CATSPERE: variants seen among roughly 807,000 people sequenced by gnomAD.
CATSPERE encodes cation channel sperm-associated auxiliary subunit epsilon.
CATSPERE carries 93 observed loss-of-function variants against 114.1 expected under a neutral mutation model. The observed-to-expected ratio is 0.81, with a 90% confidence interval of 0.69 to 0.97. The LOEUF (loss-of-function observed/expected upper bound fraction) is 0.97. Ranked by LOEUF, CATSPERE falls within the 50% of genes least tolerant of loss-of-function variation. The probability of loss-of-function intolerance (pLI) is 0.00; values close to 1 mark genes in which losing one functional copy is unlikely to be tolerated. For missense variants in CATSPERE, 1,058 were observed against 1,131.6 expected (o/e 0.93, Z 0.93); for synonymous variants, 341 against 384.1 (o/e 0.89, Z 1.31).
At chr1:244,631,939 G>A (rs58857535) in intron 20 of CATSPERE, among the ~76,000 whole-genome samples, 8,877 of 152,166 alleles carry the variant, frequency 0.058, 879 homozygotes, top group African/African-American at 0.2. Context: ...CCCAGCAGTC[G>A]TACTCATTGG....
intron 14 of CATSPERE, among the ~76,000 whole-genome samples, chr1:244,589,058 A>G (rs1289045404): frequency 6.6e-6 from 1 of 152,238 alleles, no homozygotes; most frequent in Non-Finnish European, 1.5e-5. Flanking sequence ...TGTCGGTTCT[A>G]CTATGGTTCA....
intron 8 of CATSPERE, among the ~76,000 whole-genome samples, chr1:244,527,077 T>G (rs1678752648): frequency 6.6e-6 from 1 of 152,192 alleles, no homozygotes; most frequent in Non-Finnish European, 1.5e-5. Flanking sequence ...TTAAAAATAC[T>G]AATGAAGTTT....
At chr1:244,625,429 TATA>T (rs1226739559) in intron 20 of CATSPERE, among the ~76,000 whole-genome samples, 2 of 30,172 alleles carry the variant, frequency 6.6e-5, no homozygotes, top group African/African-American at 1.4e-4. Flanking sequence ...TATATATATA[TATA>T]TTTTTTTTTT....
At chr1:244,623,058 T>TTTTTTTTATTTATTTA (rs140542129) in intron 20 of CATSPERE, among the ~76,000 whole-genome samples, 4 of 145,508 alleles carry the variant, frequency 2.7e-5, no homozygotes, top group South Asian at 2.2e-4. Flanking sequence ...TTTGTCTTAT[T>TTTTTTTTATTTATTTA]TTTATTTATT....
chr1:244,472,110 C>G (rs1373155195), intron 2 of CATSPERE, among the ~76,000 whole-genome samples: 1 of 152,104 alleles, frequency 6.6e-6, no homozygotes. Flanking sequence ...AGGCATGCAC[C>G]ACCACACCCA....
Position 244,479,800 on chromosome 1 carries a change from C to G in CATSPERE, c.326+16C>G. On this transcript the variant is annotated intron_variant, in intron 5 of 21. Coordinates refer to ENST00000366534, the MANE Select transcript of CATSPERE (RefSeq NM_001130957.2). ...ATAGAGTTAGGTAAGTAATGCAGTA[C>G]TGAATAGGTAATTATGCTTTTAAAG... 1 of 1,398,006 alleles carries G rather than the reference C, an allele frequency of 7.2e-7. No individual in the cohort carries two copies. Among genetic ancestry groups the G allele is most frequent in the Non-Finnish European group, 9.9e-7 (1 of 1,011,538 alleles). 86.6% of individuals were successfully genotyped at this position (1,398,006 alleles called of 1,614,324 possible).
At chr1:244,578,181 T>G (rs1665579326) in intron 11 of CATSPERE, among the ~76,000 whole-genome samples, 1 of 152,138 alleles carries the variant, frequency 6.6e-6, no homozygotes, top group South Asian at 2.1e-4. Flanking sequence ...GAGATGGAGT[T>G]TCACTCTTGT....
At chr1:244,470,094 A>G (rs767474999) in intron 2 of CATSPERE, among the ~76,000 whole-genome samples, 1 of 152,188 alleles carries the variant, frequency 6.6e-6, no homozygotes, top group Non-Finnish European at 1.5e-5. Context: ...TGTAAAACAT[A>G]TAGAAGAAAA....
At chr1:244,572,964 C>G (rs1330698614) in intron 11 of CATSPERE, among the ~76,000 whole-genome samples, 192 bp downstream of exon 11, 1 of 151,988 alleles carries the variant, frequency 6.6e-6, no homozygotes, top group Non-Finnish European at 1.5e-5. Flanking sequence ...TATCCAAGCC[C>G]TCTTTGCCAC....
In CATSPERE at chr1:244,574,486, A is replaced by G. The variant is rs934492624; in HGVS notation, c.1950+1714A>G. On this transcript the variant is annotated intron_variant, in intron 11 of 21. Transcript: ENST00000366534. The stretch of plus-strand genomic sequence containing the variant: ...CAAGAAGGGAAACTTTGAAGAGGAA[A>G]CTTTTTATTTTTACAATTCCTTCCT... Among the ~76,000 whole-genome samples the G allele has an allele frequency of 3.9e-5, 6 of 152,244 alleles. No individual in the cohort carries two copies. In the South Asian group the frequency reaches 6.2e-4, roughly 16 times the overall value.
chr1:244,625,346 GT>G (rs1291737712), intron 20 of CATSPERE, among the ~76,000 whole-genome samples: 2 of 81,008 alleles, frequency 2.5e-5, no homozygotes, highest in African/African-American at 8.4e-5. Flanking sequence ...GTAATATTTT[GT>G]TTTTTGGGGG....
At chr1:244,613,149 A>G (rs185499348) in intron 19 of CATSPERE, among the ~76,000 whole-genome samples, 83 of 152,342 alleles carry the variant, frequency 5.4e-4, no homozygotes, top group African/African-American at 1.9e-3. Context: ...TTCCAAACAT[A>G]CTTAGAATAT....
intron 11 of CATSPERE, among the ~76,000 whole-genome samples, chr1:244,577,832 TAACA>T (rs1485056752): frequency 1.3e-5 from 2 of 151,990 alleles, no homozygotes; most frequent in African/African-American, 4.8e-5. Flanking sequence ...TACACATAAA[TAACA>T]AACAAAAAGG....
chr1:244,508,831 T>TAAAA (rs960028586), intron 7 of CATSPERE, among the ~76,000 whole-genome samples: 1 of 114,252 alleles, frequency 8.8e-6, no homozygotes. Context: ...ACCCTATCTC[T>TAAAA]AAAAAAAAAA....
chr1:244,461,508 A>G lies in CATSPERE; in HGVS notation c.65+14A>G. 1 of 1,302,766 alleles carries G rather than the reference A, an allele frequency of 7.7e-7. No individual in the cohort carries two copies. Among genetic ancestry groups the G allele is most frequent in the Non-Finnish European group, 9.8e-7 (1 of 1,016,410 alleles). The allele number at this position is 1,302,766 out of a possible 1,614,324, so 80.7% of individuals were successfully genotyped here. A position where few individuals can be genotyped will look rare whatever the true frequency, so the allele number is the denominator to read the frequency against. ...CGCCCTTTGGAGGTAGAGAGACGCC[A>G]GTCGCAGGCGAGCGACTAGGCGGGG... On this transcript the variant is annotated intron_variant, in intron 1 of 21. Coordinates refer to ENST00000366534, the MANE Select transcript of CATSPERE (RefSeq NM_001130957.2).
chr1:244,492,798 A>G (rs539788885), intron 6 of CATSPERE, among the ~76,000 whole-genome samples: 233 of 148,110 alleles, frequency 1.6e-3, no homozygotes, highest in African/African-American at 5.5e-3. Context: ...TTATACACCA[A>G]TAACAGACAA....
At chr1:244,490,749 G>C (rs1171456941) in intron 6 of CATSPERE, among the ~76,000 whole-genome samples, 1 of 151,870 alleles carries the variant, frequency 6.6e-6, no homozygotes, top group African/African-American at 2.4e-5. Context: ...TTATCCAGCT[G>C]TCTTTTATTA....
At chr1:244,498,371 G>A (rs889558353) in intron 6 of CATSPERE, among the ~76,000 whole-genome samples, 13 of 152,208 alleles carry the variant, frequency 8.5e-5, no homozygotes, top group African/African-American at 3.1e-4. Context: ...CCTATGGGGT[G>A]CAGATGGATT....
chr1:244,490,968 C>A (rs554412948), intron 6 of CATSPERE, among the ~76,000 whole-genome samples: 3 of 151,878 alleles, frequency 2.0e-5, no homozygotes, highest in South Asian at 2.1e-4. Context: ...AAAACAAAAG[C>A]CTTGTAGGAT....
Sources: gnomAD v4.1 joint callset for allele counts (sites outside exome capture counted in the v4.1 genomes callset) on GRCh38, gnomAD v4.1.1 for gene constraint, MANE v1.5 for transcripts, NCBI Gene and HGNC (gene_info 2026-07-23, HGNC 2026-07-21) for gene names.